The following PGM1 variants were observed in gnomAD, a reference collection of about 807,000 sequenced individuals.
PGM1 encodes the protein phosphoglucomutase 1, also known as phosphoglucomutase-1.
In PGM1, 52 loss-of-function variants were observed where a neutral mutation model predicts 55.6. The ratio of observed to expected loss-of-function variants is 0.94; its 90% CI spans 0.75 to 1.18. PGM1 has a LOEUF of 1.18. Among genes scored for constraint, PGM1 ranks in the 50% most tolerant of loss-of-function variants. The pLI, the probability that PGM1 is intolerant of heterozygous loss-of-function variation, is 0.00. For synonymous variants in PGM1, 287 were observed against 271.7 expected (o/e 1.06, Z -0.55); for missense variants, 724 against 729.3 (o/e 0.99, Z 0.08).
At chr1:63,598,540 TTGA>T (rs1311022316) in intron 1 of PGM1, among the ~76,000 whole-genome samples, 4 of 152,300 alleles carry the variant, frequency 2.6e-5, no homozygotes, top group South Asian at 2.1e-4. Flanking sequence ...ATAATTTTTA[TTGA>T]TGATAAATTC....
At chr1:63,619,171 C>T (rs1397338005) in intron 1 of PGM1, among the ~76,000 whole-genome samples, 1 of 152,172 alleles carries the variant, frequency 6.6e-6, no homozygotes. Flanking sequence ...AGTGGTCCAG[C>T]TTTAGTCAGG....
chr1:63,642,876 T>C (rs1250125528), intron 7 of PGM1, among the ~76,000 whole-genome samples: 5 of 152,240 alleles, frequency 3.3e-5, no homozygotes, highest in African/African-American at 1.2e-4. Flanking sequence ...ATTGATTCAT[T>C]CCTCAAATAT....
At chr1:63,615,326 A>G (rs1156808164) in intron 1 of PGM1, among the ~76,000 whole-genome samples, 1 of 151,970 alleles carries the variant, frequency 6.6e-6, no homozygotes, top group African/African-American at 2.4e-5. Context: ...ACCTTTCCTC[A>G]TTTACTTTCA....
chr1:63,656,662 A>C (rs993557686), intron 10 of PGM1, among the ~76,000 whole-genome samples: 2 of 152,128 alleles, frequency 1.3e-5, no homozygotes, highest in African/African-American at 4.8e-5. Context: ...AAATCTTGCC[A>C]ATCTTGCCAT....
chr1:63,651,728 C>T lies in PGM1; in HGVS notation c.1340C>T (p.Ala447Val), dbSNP rs1359394536. The T allele has an allele frequency of 6.2e-7, 1 of 1,613,798 alleles. No homozygotes were observed. The highest frequency in any genetic ancestry group is 8.5e-7 in the Non-Finnish European group (1 of 1,179,796). Residue 447 changes from alanine to valine, a missense_variant, in exon 9 of 11, where the codon GCC becomes GTC. Physicochemically the swap from Ala to Val is moderately conservative, Grantham distance 64. This residue lies in a region of PGM1 where 316 missense variants were observed against 313.1 expected (regional missense o/e 1.01). Transcript: ENST00000371084. The stretch of plus-strand genomic sequence containing the variant: ...AACAAAATGATGAAGGACTTGGAGG[C>T]CCTGATGTTTGATCGCTCCTTTGTG... ...GANKMMKDLE[A>V]LMFDRSFVGK...
intron 1 of PGM1, among the ~76,000 whole-genome samples, chr1:63,627,093 A>G (rs984978534): frequency 7.2e-6 from 1 of 138,808 alleles, no homozygotes; most frequent in African/African-American, 2.6e-5. Context: ...TTAAGGCTGA[A>G]TAATATTCCA....
chr1:63,601,940 A>T (rs1388444444), intron 1 of PGM1, among the ~76,000 whole-genome samples: 2 of 152,186 alleles, frequency 1.3e-5, no homozygotes, highest in Non-Finnish European at 2.9e-5. Flanking sequence ...AATCAGAAAC[A>T]CTTGGAAAAT....
chr1:63,620,000 G>A (rs1186094983), intron 1 of PGM1, among the ~76,000 whole-genome samples: 1 of 152,200 alleles, frequency 6.6e-6, no homozygotes, highest in Non-Finnish European at 1.5e-5. Context: ...GGCTCAGAAG[G>A]ACAAGGGGGC....
intron 1 of PGM1, among the ~76,000 whole-genome samples, chr1:63,597,091 A>G (rs1437596978): frequency 6.6e-6 from 1 of 152,196 alleles, no homozygotes; most frequent in Non-Finnish European, 1.5e-5. Flanking sequence ...AGGAGTAAGC[A>G]GACAGCACAA....
intron 7 of PGM1, among the ~76,000 whole-genome samples, chr1:63,646,513 A>C (rs191707107): frequency 1.8e-4 from 27 of 152,260 alleles, no homozygotes; most frequent in Admixed American, 1.7e-3. Context: ...TTGTTTAACC[A>C]AACCTTAATG....
rs544767779 is a variant in PGM1, at chr1:63,620,450, A to G, written c.247-8975A>G. ...TTCTTTCTAGTGCTTATGCCTGGAA[A>G]TAGGGTTATCAGGCTCATCCCTTAT... On this transcript the variant is annotated intron_variant, in intron 1 of 10. Transcript: ENST00000371084. Among the ~76,000 whole-genome samples the G allele has an allele frequency of 3.3e-5, 5 of 152,258 alleles. No homozygotes were observed. In the South Asian group the frequency reaches 1.0e-3, roughly 32 times the overall value.
Position 63,629,504 on chromosome 1 carries a change from T to C in PGM1, c.326T>C (p.Ile109Thr). ...TGCATCATTAGAAAAATCAAAGCCA[T>C]TGGTGGGATCATTCTGACAGCCAGT... is the stretch of plus-strand genomic sequence containing the variant. ...VSCIIRKIKA[I>T]GGIILTASHN... Residue 109 changes from isoleucine to threonine, a missense_variant, in exon 2 of 11, where the codon ATT becomes ACT. Physicochemically the swap from Ile to Thr is moderately conservative, Grantham distance 89 (BLOSUM62 -1). Around this residue, in one of 3 missense-constraint regions of PGM1, gnomAD observed 379 missense variants for 357.5 expected, o/e 1.06. Coordinates refer to ENST00000371084, the MANE Select transcript of PGM1 (RefSeq NM_002633.3). The C allele has an allele frequency of 6.2e-7, 1 of 1,613,494 alleles. No homozygotes were observed. The highest frequency in any genetic ancestry group is 8.5e-7 in the Non-Finnish European group (1 of 1,179,604).
chr1:63,617,200 A>T (rs1648737411), intron 1 of PGM1, among the ~76,000 whole-genome samples: 1 of 152,136 alleles, frequency 6.6e-6, no homozygotes, highest in Admixed American at 6.5e-5. Context: ...GGAGAAGGGG[A>T]GGAAGTGTTC....
intron 8 of PGM1, among the ~76,000 whole-genome samples, chr1:63,649,427 T>C (rs1649745159): frequency 6.6e-6 from 1 of 152,156 alleles, no homozygotes; most frequent in Non-Finnish European, 1.5e-5. Context: ...AGTGTAAAAA[T>C]CTAACAAGAA....
chr1:63,651,684 G>A lies in PGM1; in HGVS notation c.1296G>A (p.Glu432=). The A allele has an allele frequency of 6.2e-7, 1 of 1,613,754 alleles. No homozygotes were observed. ...RNFFTRYDYE[E]VEAEGANKMM... is the part of the protein sequence containing the mutation. ...CTTCTTCCAGGTATGATTACGAGGA[G>A]GTGGAAGCTGAGGGCGCAAACAAAA... The change falls in exon 9 of 11, where the codon GAG becomes GAA. Residue 432 remains glutamate (E), a synonymous_variant. Coordinates refer to ENST00000371084, the MANE Select transcript of PGM1 (RefSeq NM_002633.3).
chr1:63,626,156 CTT>C (rs1570490349), intron 1 of PGM1, among the ~76,000 whole-genome samples: 1 of 152,206 alleles, frequency 6.6e-6, no homozygotes, highest in African/African-American at 2.4e-5. Flanking sequence ...AGGATGGACT[CTT>C]AGTGCCTGGC....
At chr1:63,633,933 T>TATATATA (rs1491392697) in intron 4 of PGM1, among the ~76,000 whole-genome samples, 1 of 43,660 alleles carries the variant, frequency 2.3e-5, no homozygotes, top group African/African-American at 1.4e-4. Context: ...TATATATATA[T>TATATATA]TTTTTTTTTT....
intron 1 of PGM1, among the ~76,000 whole-genome samples, chr1:63,600,427 C>T (rs1265787400): frequency 6.6e-6 from 1 of 151,870 alleles, no homozygotes; most frequent in Non-Finnish European, 1.5e-5. Flanking sequence ...GAAAGAGTGA[C>T]TCATTCAATA....
chr1:63,644,712 G>T (rs1009983936), intron 7 of PGM1, among the ~76,000 whole-genome samples: 3 of 152,184 alleles, frequency 2.0e-5, no homozygotes, highest in African/African-American at 7.2e-5. Flanking sequence ...TGAGAGAGAA[G>T]TTAGCATTAT....
Sources: gnomAD v4.1 joint callset for allele counts (sites outside exome capture counted in the v4.1 genomes callset) on GRCh38, gnomAD v4.1.1 for gene constraint, gnomAD v4.1.1 regional missense constraint, MANE v1.5 for transcripts, NCBI Gene and HGNC (gene_info 2026-07-23, HGNC 2026-07-21) for gene names.